HTRA1: variants seen among roughly 807,000 people sequenced by gnomAD.
The protein encoded by HTRA1 is HtrA serine peptidase 1.
HTRA1 carries 26 observed loss-of-function variants against 49.7 expected under a neutral mutation model. The observed-to-expected ratio is 0.52, with a 90% CI of 0.38 to 0.73. HTRA1 has a LOEUF of 0.73. Ranked by LOEUF, HTRA1 falls within the 30% of genes least tolerant of loss-of-function variation. The pLI, the probability that HTRA1 is intolerant of heterozygous loss-of-function variation, is 0.00. For missense variants in HTRA1, 561 were observed against 667.2 expected, an observed-to-expected ratio of 0.84 and a Z score of 1.75; for synonymous variants, 291 against 286.9, an observed-to-expected ratio of 1.01 and a Z score of -0.14.
At chr10:122,468,106 G>A (rs888186907) in intron 1 of HTRA1, among the ~76,000 whole-genome samples, 2 of 152,198 alleles carry the variant, frequency 1.3e-5, no homozygotes, top group African/African-American at 4.8e-5. Context: ...CAGGTATGGG[G>A]ACTCAGAGGT....
At chr10:122,468,987 A>G (rs1188341939) in intron 1 of HTRA1, among the ~76,000 whole-genome samples, 1 of 152,180 alleles carries the variant, frequency 6.6e-6, no homozygotes, top group Non-Finnish European at 1.5e-5. Flanking sequence ...CATAAAAACA[A>G]TCCTCCGCAG....
At position 122,507,422 on chromosome 10, in the gene HTRA1, T is replaced by C; in HGVS notation, c.1005+20T>C. The C allele has an allele frequency of 6.3e-7, 1 of 1,584,310 alleles. No homozygotes were observed. Among genetic ancestry groups the C allele is most frequent in the Non-Finnish European group, 8.7e-7 (1 of 1,153,010 alleles). On this transcript the variant is annotated intron_variant, in intron 5 of 8. Transcript: ENST00000368984. ...AACCTGGTAAGGTCTTTTAAACCTA[T>C]GTTAGGTCATTTGTTTTTATCTATG...
At chr10:122,492,362 G>A (rs1393466683) in intron 3 of HTRA1, among the ~76,000 whole-genome samples, 3 of 152,174 alleles carry the variant, frequency 2.0e-5, no homozygotes, top group East Asian at 1.9e-4. Flanking sequence ...TTGAGACAGA[G>A]TTTTACTGTT....
At position 122,489,442 on chromosome 10, in the gene HTRA1, A is replaced by T; in HGVS notation, c.593A>T (p.Glu198Val). 6.2e-7 allele frequency: 1 copy of T among 1,614,186 alleles called. No homozygotes were observed. The highest frequency in any genetic ancestry group is 1.1e-5 in the South Asian group (1 of 91,082). ...LFRKLPFSKR[E>V]VPVASGSGFI... Reference sequence around the variant, plus strand: ...TTTAGGCTTCCGTTTTCTAAACGAGAGGTGCCGGTGGCTAGTGGGTCTGGG... The same window carrying T: ...TTTAGGCTTCCGTTTTCTAAACGAGTGGTGCCGGTGGCTAGTGGGTCTGGG... The change falls in exon 3 of 9, where the codon GAG becomes GTG. Residue 198 changes from glutamate (E) to valine (V), a missense_variant. Physicochemically the swap from Glu to Val is moderately radical, Grantham distance 121. Transcript: ENST00000368984.
intron 3 of HTRA1, among the ~76,000 whole-genome samples, chr10:122,489,863 G>A (rs1271633375): frequency 6.6e-6 from 1 of 152,142 alleles, no homozygotes; most frequent in African/African-American, 2.4e-5. Flanking sequence ...TGTTTTAAAT[G>A]TTTGTCAAAG....
intron 1 of HTRA1, among the ~76,000 whole-genome samples, chr10:122,468,337 A>G (rs888082392): frequency 2.2e-4 from 34 of 152,222 alleles, no homozygotes; most frequent in Admixed American, 6.5e-5. Context: ...ACCTCCTTAT[A>G]TGAAACGCAA....
chr10:122,492,245 C>T (rs750607518), intron 3 of HTRA1, among the ~76,000 whole-genome samples: 14 of 152,192 alleles, frequency 9.2e-5, no homozygotes, highest in African/African-American at 1.7e-4. Context: ...GTGACTAACT[C>T]GGTGGCTTAT....
In HTRA1 at chr10:122,514,302, C is replaced by A. The variant is rs1409707099; in HGVS notation, c.1386C>A (p.Val462=). The A allele has an allele frequency of 3.1e-6, 5 of 1,613,998 alleles. No homozygotes were observed. The highest frequency in any genetic ancestry group is 4.2e-6 in the Non-Finnish European group (5 of 1,180,010). ...GGGAAAGCACCCTGAACATGGTGGT[C>A]CGCAGGGGTAATGAAGATATCATGA... ...IKRESTLNMV[V]RRGNEDIMIT... The change falls in exon 9 of 9, where the codon GTC becomes GTA. Residue 462 remains valine (V), a synonymous_variant. Transcript: ENST00000368984.
At chr10:122,499,496 C>G (rs193135034) in intron 3 of HTRA1, among the ~76,000 whole-genome samples, 1 of 152,130 alleles carries the variant, frequency 6.6e-6, no homozygotes, top group African/African-American at 2.4e-5. Context: ...TGGTCCTGCC[C>G]CCTAGTAGCT....
rs2097482732 is a variant in HTRA1, at chr10:122,464,060, A to C, written c.472+1936A>C. ...TAGTGTAGTGTAGGGCTGACCTAGC[A>C]GTGGAGTGCGGAATGCATCCAGGGT... is the stretch of plus-strand genomic sequence containing the variant. On this transcript the variant is annotated intron_variant, in intron 1 of 8. Coordinates refer to ENST00000368984, the MANE Select transcript of HTRA1 (RefSeq NM_002775.5). This position sits in a 1 kb window ranked among gnomAD's most constrained non-coding sequence, Gnocchi z 4.8. 6.6e-6 allele frequency among the ~76,000 whole-genome samples: 1 copy of C among 152,166 alleles called. No homozygotes were observed. Among genetic ancestry groups the C allele is most frequent in the Non-Finnish European group, 1.5e-5 (1 of 68,024 alleles).
chr10:122,493,694 G>A (rs957994706), intron 3 of HTRA1, among the ~76,000 whole-genome samples: 2 of 152,166 alleles, frequency 1.3e-5, no homozygotes, highest in African/African-American at 4.8e-5. Context: ...TTGGAGAAAA[G>A]CATCTTTGGA....
chr10:122,464,902 C>G lies in HTRA1; in HGVS notation c.472+2778C>G, dbSNP rs2097483190. 6.6e-6 allele frequency among the ~76,000 whole-genome samples: 1 copy of G among 152,166 alleles called. No individual in the cohort carries two copies. Among genetic ancestry groups the G allele is most frequent in the South Asian group, 2.1e-4 (1 of 4,822 alleles). ...CTTGACTAGAGGCCTGGAGTTGGAG[C>G]AAGTCATACACGGATCTGGAGACAG... is the stretch of plus-strand genomic sequence containing the variant. On this transcript the variant is annotated intron_variant, in intron 1 of 8. Coordinates refer to ENST00000368984, the MANE Select transcript of HTRA1 (RefSeq NM_002775.5). The surrounding 1 kb of genome is among the most constrained non-coding windows in gnomAD (Gnocchi z 4.8).
chr10:122,488,907 G>A lies in HTRA1; in HGVS notation c.478G>A (p.Glu160Lys). Reference protein sequence around the residue: ...LQRGACGQGQEDPNSLRHKYN... With the variant: ...LQRGACGQGQKDPNSLRHKYN... ...TTCTTTGCTTTTGTTCTCAGGGCAG[G>A]AAGATCCCAACAGTTTGCGCCATAA... Residue 160 changes from glutamate to lysine, a missense_variant, in exon 2 of 9, where the codon GAA (glutamate) becomes AAA (lysine). By Grantham distance (56) the Glu-to-Lys change is moderately conservative (BLOSUM62 1). Around this residue, in one of 3 missense-constraint regions of HTRA1, gnomAD observed 271 missense variants for 410.0 expected, o/e 0.66. Coordinates refer to ENST00000368984, the MANE Select transcript of HTRA1 (RefSeq NM_002775.5). 6.2e-7 allele frequency: 1 copy of A among 1,613,756 alleles called. No individual in the cohort carries two copies. The highest frequency in any genetic ancestry group is 8.5e-7 in the Non-Finnish European group (1 of 1,179,604).
Position 122,506,795 on chromosome 10 carries a change from C to T in HTRA1, c.882C>T (p.Thr294=), listed in dbSNP as rs202171123. ...SPFSLQNTVT[T]GIVSTTQRGG... Reference sequence around the variant, plus strand: ...TTTCCCTTCAAAACACAGTCACCACCGGGATCGTGAGCACCACCCAGCGAG... The same window carrying T: ...TTTCCCTTCAAAACACAGTCACCACTGGGATCGTGAGCACCACCCAGCGAG... The change falls in exon 4 of 9, where the codon ACC becomes ACT. Residue 294 remains threonine, a synonymous_variant. Transcript: ENST00000368984. This position sits in a 1 kb window ranked among gnomAD's most constrained non-coding sequence, Gnocchi z 5.2. 1.4e-5 allele frequency: 22 copies of T among 1,613,842 alleles called. No individual in the cohort carries two copies. The highest frequency in any genetic ancestry group is 6.7e-5 in the East Asian group (3 of 44,882).
At position 122,502,187 on chromosome 10, in the gene HTRA1, G is replaced by C. The variant is rs76204155; in HGVS notation, c.778-4504G>C. ...CATGAGACAAAAGCCGAGAGGGCAAGGGCAGATTTTCTTAATCATATGTTC... is the reference window on the plus strand; with the variant it reads ...CATGAGACAAAAGCCGAGAGGGCAACGGCAGATTTTCTTAATCATATGTTC... On this transcript the variant is annotated intron_variant, in intron 3 of 8. Transcript: ENST00000368984. 9.3e-3 allele frequency among the ~76,000 whole-genome samples: 1,412 copies of C among 152,154 alleles called. 26 individuals are homozygous for C. The highest frequency in any genetic ancestry group is 0.032 in the African/African-American group (1,342 of 41,498).
At chr10:122,477,912 AC>A (rs5788559) in intron 1 of HTRA1, among the ~76,000 whole-genome samples, 121,394 of 152,056 alleles carry the variant, frequency 0.8, 48,591 homozygotes, top group East Asian at 0.85. Flanking sequence ...TTATGCCCAG[AC>A]CCCACATGGC....
chr10:122,495,978 G>A (rs1292202861), intron 3 of HTRA1, among the ~76,000 whole-genome samples: 1 of 152,180 alleles, frequency 6.6e-6, no homozygotes, highest in African/African-American at 2.4e-5. Context: ...GTCTACACCA[G>A]CAGAGTTAAA....
chr10:122,510,533 C>T (rs1053431107), intron 7 of HTRA1, among the ~76,000 whole-genome samples: 2 of 152,200 alleles, frequency 1.3e-5, no homozygotes, highest in Non-Finnish European at 2.9e-5. Flanking sequence ...GCCCCTCCCG[C>T]AGCTCTAGGC....
At chr10:122,467,456 G>A (rs997376220) in intron 1 of HTRA1, among the ~76,000 whole-genome samples, 6 of 152,180 alleles carry the variant, frequency 3.9e-5, no homozygotes, top group African/African-American at 1.2e-4. Context: ...GGAGGTTGTG[G>A]TCACCTCATT....
Sources: allele counts gnomAD v4.1 joint callset (sites outside exome capture counted in the v4.1 genomes callset), GRCh38; gene constraint gnomAD v4.1.1; regional missense constraint gnomAD v4.1.1; non-coding constraint Gnocchi (gnomAD v3.1); transcripts MANE v1.5; gene names NCBI Gene and HGNC (gene_info 2026-07-23, HGNC 2026-07-21).